Variants in ACOX1 observed in about 807,000 individuals in gnomAD.
ACOX1 encodes the protein peroxisomal acyl-coenzyme A oxidase 1.
ACOX1 carries 41 observed loss-of-function variants against 75.5 expected under a neutral mutation model. The observed-to-expected ratio is 0.54, with a 90% CI of 0.42 to 0.70. ACOX1 has a LOEUF of 0.70. Among genes scored for constraint, ACOX1 ranks in the 30% least tolerant of loss-of-function variants. The probability of loss-of-function intolerance (pLI) is 0.00; values close to 1 mark genes in which losing one functional copy is unlikely to be tolerated. For missense variants in ACOX1, 630 were observed against 837.5 expected, an observed-to-expected ratio of 0.75 and a Z score of 3.06; for synonymous variants, 303 against 298.8, an observed-to-expected ratio of 1.01 and a Z score of -0.15.
intron 13 of ACOX1, among the ~76,000 whole-genome samples, 177 bp from the exon 14 acceptor site, chr17:75,946,972 G>T (rs1175118590): frequency 2.0e-5 from 3 of 151,016 alleles, no homozygotes; most frequent in Non-Finnish European, 4.4e-5. Flanking sequence ...AGACTCCAGC[G>T]ATCTTCCCAC....
At chr17:75,967,635 C>CAT (rs113768541) in intron 2 of ACOX1, among the ~76,000 whole-genome samples, 34,066 of 111,224 alleles carry the variant, frequency 0.31, 5,954 homozygotes, top group African/African-American at 0.64. Flanking sequence ...TATATACATA[C>CAT]ATATATATAC....
At position 75,960,140 on chromosome 17, in the gene ACOX1, A is replaced by G; in HGVS notation, c.430+75T>C. 1 of 1,566,732 alleles carries G rather than the reference A, an allele frequency of 6.4e-7. No individual in the cohort carries two copies. The highest frequency in any genetic ancestry group is 8.8e-7 in the Non-Finnish European group (1 of 1,139,842). On this transcript the variant is annotated intron_variant, in intron 3 of 13. Transcript: ENST00000293217. This position sits in a 1 kb window ranked among gnomAD's most constrained non-coding sequence, Gnocchi z 4.4. ...AGAACATCGACACACCATCGATGGC[A>G]CATGGTGGGCACTCCACACATGGTA...
chr17:75,953,689 G>T, intron 6 of ACOX1, 69 bp from the exon 7 acceptor site: 2 of 1,582,338 alleles, frequency 1.3e-6, no homozygotes, highest in Admixed American at 3.4e-5. Context: ...GGTTCTCAAA[G>T]TGTGGTCCCT....
chr17:75,970,427 T>C (rs56155384), intron 2 of ACOX1, among the ~76,000 whole-genome samples: 26,694 of 152,118 alleles, frequency 0.18, 2,769 homozygotes, highest in African/African-American at 0.3. Flanking sequence ...ATCACCCAGG[T>C]TCAGGCCTCT....
At chr17:75,973,582 T>C (rs767263411) in intron 2 of ACOX1, 1 of 1,607,488 alleles carries the variant, frequency 6.2e-7, no homozygotes, top group East Asian at 2.2e-5. Flanking sequence ...TGTTAACTGA[T>C]GTCCTGAGGT....
In ACOX1 at chr17:75,953,500, T is replaced by C; in HGVS notation, c.895A>G (p.Ile299Val). Residue 299 changes from isoleucine (I) to valine (V), a missense_variant, in exon 7 of 14, where the codon ATT becomes GTT. Coordinates refer to ENST00000293217, the MANE Select transcript of ACOX1 (RefSeq NM_004035.7). ...CTCACAGCGCTGTATCGGATGGCAA[T>C]GGTGCACGCCTTAGACAGAGCCCGA... ...AARALSKACT[I>V]AIRYSAVRHQ... is the part of the protein sequence containing the mutation. 2 of 1,614,124 alleles carry C rather than the reference T, an allele frequency of 1.2e-6. No individual in the cohort carries two copies. The highest frequency in any genetic ancestry group is 1.7e-6 in the Non-Finnish European group (2 of 1,180,004).
chr17:75,963,103 C>T (rs1231062162), intron 2 of ACOX1, among the ~76,000 whole-genome samples: 2 of 152,060 alleles, frequency 1.3e-5, no homozygotes, highest in Non-Finnish European at 2.9e-5. Flanking sequence ...TGCACTCCAG[C>T]CTGGGCGACA....
chr17:75,960,380 G>A lies in ACOX1; in HGVS notation c.270-5C>T, dbSNP rs201026132. The stretch of plus-strand genomic sequence containing the variant: ...GGCCGCCCTCGGTGCACAAAACTTC[G>A]AGGAAATATCAAGGATGGGCATTTG... On this transcript the variant is annotated splice_polypyrimidine_tract_variant and splice_region_variant and intron_variant, in intron 2 of 13. Transcript: ENST00000293217. This position sits in a 1 kb window ranked among gnomAD's most constrained non-coding sequence, Gnocchi z 4.4. 6.6e-5 allele frequency: 106 copies of A among 1,613,096 alleles called. No homozygotes were observed. The highest frequency in any genetic ancestry group is 8.3e-5 in the Non-Finnish European group (98 of 1,179,902).
chr17:75,961,630 G>A (rs1413587900), intron 2 of ACOX1, among the ~76,000 whole-genome samples: 3 of 151,892 alleles, frequency 2.0e-5, no homozygotes, highest in African/African-American at 7.2e-5. Context: ...TCAGCCAGGT[G>A]TGGTGGCACA....
chr17:75,979,070 T>G lies in ACOX1; in HGVS notation c.4A>C (p.Asn2His). 6.2e-7 allele frequency: 1 copy of G among 1,611,516 alleles called. No individual in the cohort carries two copies. Among genetic ancestry groups the G allele is most frequent in the Admixed American group, 1.7e-5 (1 of 60,024 alleles). ...TCCCGCTCCCTGCGCAGGTCCGGGT[T>G]CATGGCGACGACCAGCTGGCAGCGA... is the stretch of plus-strand genomic sequence containing the variant. M[N>H]PDLRRERDSA... Residue 2 changes from asparagine (N) to histidine (H), a missense_variant, in exon 1 of 14, where the codon AAC (asparagine) becomes CAC (histidine). By Grantham distance (68) the Asn-to-His change is moderately conservative. Transcript: ENST00000293217.
intron 2 of ACOX1, among the ~76,000 whole-genome samples, chr17:75,971,971 A>AAC (rs371749541): frequency 1.1e-4 from 16 of 151,964 alleles, no homozygotes; most frequent in African/African-American, 1.9e-4. Flanking sequence ...TCAAAATTAC[A>AAC]ACACACACAC....
chr17:75,956,625 T>C (rs1376115324), intron 4 of ACOX1, among the ~76,000 whole-genome samples: 1 of 150,918 alleles, frequency 6.6e-6, no homozygotes, highest in African/African-American at 2.4e-5. Flanking sequence ...AAGGTGGAGG[T>C]TGCAGTGAGC....
intron 4 of ACOX1, among the ~76,000 whole-genome samples, chr17:75,957,002 TATATATAC>T (rs1186882507): frequency 2.4e-5 from 2 of 82,274 alleles, no homozygotes; most frequent in African/African-American, 4.2e-5. Context: ...TATATATATA[TATATATAC>T]ACACACACAC....
In ACOX1 at chr17:75,960,272, TGAA is replaced by T; in HGVS notation, c.370_372del (p.Phe124del). On this transcript the variant is annotated inframe_deletion, in exon 3 of 14. Coordinates refer to ENST00000293217, the MANE Select transcript of ACOX1 (RefSeq NM_004035.7). The surrounding 1 kb of genome is among the most constrained non-coding windows in gnomAD (Gnocchi z 4.4). ...ATGATCTCCAAGTTCCAGGCGGGCATGAAGAAGCGCTCCTGCTGCTCCGCAGTT... is the reference window on the plus strand; with the variant it reads ...ATGATCTCCAAGTTCCAGGCGGGCATGAAGCGCTCCTGCTGCTCCGCAGTT... 2 of 1,614,202 alleles carry T rather than the reference TGAA, an allele frequency of 1.2e-6. No homozygotes were observed. Among genetic ancestry groups the T allele is most frequent in the Non-Finnish European group, 1.7e-6 (2 of 1,180,032 alleles).
rs778738153 is a variant in ACOX1 at position 75,941,748 on chromosome 17, C to G, written c.*5000G>C. The G allele has an allele frequency of 1.3e-5, 2 of 151,996 alleles. No homozygotes were observed. The highest frequency in any genetic ancestry group is 4.8e-5 in the African/African-American group (2 of 41,368). The allele number at this position is 151,996 out of a possible 1,614,324, so 9.4% of individuals were successfully genotyped here. On this transcript the variant is annotated 3_prime_UTR_variant, in exon 14 of 14. Transcript: ENST00000293217. ...CATCTTCTCAGGTGAGAACCAAACT[C>G]GAGCCACAACAGCAAAGGGGGAAAA...
chr17:75,973,595 G>C, intron 2 of ACOX1: 1 of 1,613,490 alleles, frequency 6.2e-7, no homozygotes, highest in Non-Finnish European at 8.5e-7. Context: ...CCTGAGGTGG[G>C]TTACCCACAG....
chr17:75,947,473 C>G (rs2065732119), intron 13 of ACOX1, among the ~76,000 whole-genome samples: 1 of 152,014 alleles, frequency 6.6e-6, no homozygotes, highest in African/African-American at 2.4e-5. Flanking sequence ...TCTCAAACTC[C>G]CGACCTCAGG....
At chr17:75,967,330 G>A (rs1032797105) in intron 2 of ACOX1, among the ~76,000 whole-genome samples, 2 of 151,762 alleles carry the variant, frequency 1.3e-5, no homozygotes, top group Admixed American at 1.3e-4. Context: ...TTAGCTGGGT[G>A]TGGTGGTGGG....
intron 4 of ACOX1, among the ~76,000 whole-genome samples, chr17:75,957,077 CAT>C (rs1255604000): frequency 2.7e-5 from 4 of 148,952 alleles, no homozygotes; most frequent in Non-Finnish European, 5.9e-5. Flanking sequence ...ACCACACACA[CAT>C]ATATTTGTTT....
Sources: gnomAD v4.1 joint callset for allele counts (sites outside exome capture counted in the v4.1 genomes callset) on GRCh38, gnomAD v4.1.1 for gene constraint, Gnocchi (gnomAD v3.1) non-coding constraint, MANE v1.5 for transcripts, NCBI Gene and HGNC (gene_info 2026-07-23, HGNC 2026-07-21) for gene names.